Variants in SPNS2 observed in about 807,000 individuals in gnomAD.
SPNS2 encodes the protein sphingosine-1-phosphate transporter SPNS2.
A neutral mutation model predicts 57.6 loss-of-function variants in SPNS2; 37 were observed. That is an observed-to-expected ratio of 0.64 (90% CI 0.49 to 0.85). The LOEUF is 0.85. Among genes scored for constraint, SPNS2 ranks in the 40% least tolerant of loss-of-function variants. SPNS2 has a pLI of 0.00. For missense variants in SPNS2, 831 were observed against 779.1 expected (o/e 1.07, Z -0.79); for synonymous variants, 440 against 346.9 (o/e 1.27, Z -2.98).
chr17:4,506,855 A>G (rs1904692867), intron 1 of SPNS2, among the ~76,000 whole-genome samples: 1 of 152,146 alleles, frequency 6.6e-6, no homozygotes, highest in Non-Finnish European at 1.5e-5. Context: ...GAACAAACCC[A>G]GTTGAGATTC....
At chr17:4,532,089 T>TTCCA (rs1172641817) in intron 5 of SPNS2, among the ~76,000 whole-genome samples, 1 of 152,114 alleles carries the variant, frequency 6.6e-6, no homozygotes, top group African/African-American at 2.4e-5. Context: ...TCTACTTATT[T>TTCCA]TCCATCCGTC....
At chr17:4,533,729 G>C in intron 8 of SPNS2, 59 bp from the exon 9 acceptor site, 1 of 1,586,096 alleles carries the variant, frequency 6.3e-7, no homozygotes, top group South Asian at 1.1e-5. Context: ...AGGGAACAGA[G>C]ACTGTGGTTG....
chr17:4,535,163 C>T (rs1027237669), intron 9 of SPNS2, among the ~76,000 whole-genome samples: 46 of 152,228 alleles, frequency 3.0e-4, no homozygotes, highest in Non-Finnish European at 4.4e-4. Context: ...GTGCCTGTCC[C>T]GCCCCCACCC....
chr17:4,499,478 C>A lies in SPNS2; in HGVS notation c.370+61C>A. On this transcript the variant is annotated intron_variant, in intron 1 of 12. Coordinates refer to ENST00000329078, the MANE Select transcript of SPNS2 (RefSeq NM_001124758.3). The surrounding 1 kb of genome is among the most constrained non-coding windows in gnomAD (Gnocchi z 5.2). ...CCCCACCCCATCCCACCACCCGCCT[C>A]GAGGGAGGTACCCCAGAGAGCTTTT... 9.0e-7 allele frequency: 1 copy of A among 1,111,434 alleles called. No individual in the cohort carries two copies. Among genetic ancestry groups the A allele is most frequent in the East Asian group, 3.2e-5 (1 of 30,912 alleles). The allele number at this position is 1,111,434 out of a possible 1,614,324, so 68.8% of individuals were successfully genotyped here.
chr17:4,532,799 C>G, intron 6 of SPNS2, 115 bp downstream of exon 6: 4 of 1,457,576 alleles, frequency 2.7e-6, no homozygotes, highest in Middle Eastern at 2.4e-4. Flanking sequence ...CCTCTGCTGT[C>G]TCAGTGCTGG....
intron 2 of SPNS2, among the ~76,000 whole-genome samples, chr17:4,520,955 C>T (rs59624890): frequency 0.022 from 3,414 of 152,286 alleles, 100 homozygotes; most frequent in African/African-American, 0.072. Flanking sequence ...CATCATGCCT[C>T]GTGAACCATT....
rs202095554 is a variant in SPNS2 at position 4,536,435 on chromosome 17, G to T, written c.1607+9G>T. On this transcript the variant is annotated intron_variant, in intron 11 of 12. Coordinates refer to ENST00000329078, the MANE Select transcript of SPNS2 (RefSeq NM_001124758.3). ...GCCAGGGCTGAGCAGCAGTGAGTGG[G>T]GGGGAGGGGAGGCCCTGCTGCACCG... The T allele has an allele frequency of 1.3e-6, 2 of 1,591,950 alleles. No individual in the cohort carries two copies. The highest frequency in any genetic ancestry group is 1.3e-5 in the African/African-American group (1 of 74,364).
rs965297136 is a variant in SPNS2, at chr17:4,528,868, GGCTCAACTGATCCT to G, written c.574-1763_574-1750del. 5.3e-5 allele frequency among the ~76,000 whole-genome samples: 8 copies of G among 152,088 alleles called. 1 individual carries two copies. Among genetic ancestry groups the G allele is most frequent in the African/African-American group, 1.9e-4 (8 of 41,398 alleles). On this transcript the variant is annotated intron_variant, in intron 3 of 12. Coordinates refer to ENST00000329078, the MANE Select transcript of SPNS2 (RefSeq NM_001124758.3). Reference sequence around the variant, plus strand: ...AGCTCACTGCAGGCTTGACTTCCTGGGCTCAACTGATCCTCCTGTCTCAGTCTCCTAAGTAGCTA... The same window carrying G: ...AGCTCACTGCAGGCTTGACTTCCTGGCCTGTCTCAGTCTCCTAAGTAGCTA...
chr17:4,535,044 G>T (rs767631766), intron 9 of SPNS2, among the ~76,000 whole-genome samples: 4 of 152,298 alleles, frequency 2.6e-5, no homozygotes, highest in African/African-American at 7.2e-5. Context: ...GGGGTGCCCC[G>T]TGGGTGCTGG....
chr17:4,538,842 C>A lies in SPNS2; in HGVS notation c.*1394C>A, dbSNP rs998769547. On this transcript the variant is annotated 3_prime_UTR_variant, in exon 13 of 13. Coordinates refer to ENST00000329078, the MANE Select transcript of SPNS2 (RefSeq NM_001124758.3). ...TCCTCCAAAGACCAGCCTCCACCCCCACTCCAGCCTCAGCGGGGCCCCAGC... is the reference window on the plus strand; with the variant it reads ...TCCTCCAAAGACCAGCCTCCACCCCAACTCCAGCCTCAGCGGGGCCCCAGC... The A allele has an allele frequency of 4.5e-5, 35 of 778,590 alleles. No homozygotes were observed. Among genetic ancestry groups the A allele is most frequent in the South Asian group, 4.2e-4 (31 of 74,404 alleles). The allele number at this position is 778,590 out of a possible 1,614,324, so 48.2% of individuals were successfully genotyped here.
At chr17:4,527,514 G>T (rs1374941280) in intron 3 of SPNS2, among the ~76,000 whole-genome samples, 1 of 152,212 alleles carries the variant, frequency 6.6e-6, no homozygotes, top group Admixed American at 6.5e-5. Flanking sequence ...CAAAAAGCAA[G>T]CTCTTAAAAT....
chr17:4,532,674 C>G lies in SPNS2; in HGVS notation c.925C>G (p.Leu309Val), dbSNP rs754362231. ...RTSWLRDMKA[L>V]IRNRSYVFSS... The stretch of plus-strand genomic sequence containing the variant: ...CTCATGGCTCCGAGATATGAAGGCC[C>G]TGATTCGAAAGTGAGTACCGCGGGA... Residue 309 changes from leucine to valine, a missense_variant, in exon 6 of 13, where the codon CTG becomes GTG. By Grantham distance (32) the Leu-to-Val change is conservative. Around this residue, in one of 2 missense-constraint regions of SPNS2, gnomAD observed 526 missense variants for 400.9 expected, o/e 1.31. Transcript: ENST00000329078. 6.2e-7 allele frequency: 1 copy of G among 1,613,840 alleles called. No homozygotes were observed. Among genetic ancestry groups the G allele is most frequent in the Non-Finnish European group, 8.5e-7 (1 of 1,179,922 alleles).
chr17:4,506,942 G>A (rs1904695052), intron 1 of SPNS2, among the ~76,000 whole-genome samples: 1 of 152,200 alleles, frequency 6.6e-6, no homozygotes, highest in Admixed American at 6.5e-5. Flanking sequence ...AGCTGCTCCT[G>A]AAGATCACAG....
In SPNS2 at chr17:4,499,019, C is replaced by G. The variant is rs1904359990; in HGVS notation, c.-29C>G. 1 of 994,856 alleles carries G rather than the reference C, an allele frequency of 1.0e-6. No homozygotes were observed. Among genetic ancestry groups the G allele is most frequent in the Non-Finnish European group, 1.2e-6 (1 of 837,224 alleles). The allele number at this position is 994,856 out of a possible 1,614,324, so 61.6% of individuals were successfully genotyped here. ...CCCAGCCTGGGCCCCGCGCCCCCCGCGCCCCCCGCCGCCCCGATCCGGGCC... is the reference window on the plus strand; with the variant it reads ...CCCAGCCTGGGCCCCGCGCCCCCCGGGCCCCCCGCCGCCCCGATCCGGGCC... On this transcript the variant is annotated 5_prime_UTR_variant, in exon 1 of 13. Transcript: ENST00000329078. This position sits in a 1 kb window ranked among gnomAD's most constrained non-coding sequence, Gnocchi z 5.2.
intron 1 of SPNS2, among the ~76,000 whole-genome samples, chr17:4,507,978 C>T (rs1007165978): frequency 6.6e-6 from 1 of 152,196 alleles, no homozygotes; most frequent in African/African-American, 2.4e-5. Context: ...GCCAGAAGTC[C>T]TGGAATCGGG....
At chr17:4,530,876 G>T in intron 4 of SPNS2, 93 bp downstream of exon 4, 1 of 1,523,626 alleles carries the variant, frequency 6.6e-7, no homozygotes, top group Non-Finnish European at 8.9e-7. Flanking sequence ...TCTAGCCCAG[G>T]CAGGCGTCCT....
rs780488135 is a variant in SPNS2, at chr17:4,533,285, C to T, written c.1131C>T (p.Gly377=). The T allele has an allele frequency of 1.9e-5, 30 of 1,609,154 alleles. No individual in the cohort carries two copies. Among genetic ancestry groups the T allele is most frequent in the Admixed American group, 3.4e-5 (2 of 59,684 alleles). Residue 377 remains glycine (G), a synonymous_variant, in exon 8 of 13, where the codon GGC becomes GGT. Coordinates refer to ENST00000329078, the MANE Select transcript of SPNS2 (RefSeq NM_001124758.3). The part of the protein sequence containing the change: ...GAITCFTGFL[G]VVTGAGATRW... ...TCACCTGCTTTACGGGATTTCTGGG[C>T]GTGGTCACGGGGGCAGGAGCCACGC... is the stretch of plus-strand genomic sequence containing the variant.
intron 3 of SPNS2, among the ~76,000 whole-genome samples, chr17:4,530,136 T>C (rs989696809): frequency 4.6e-5 from 7 of 151,702 alleles, no homozygotes; most frequent in Admixed American, 1.3e-4. Flanking sequence ...CTGGGTCCCC[T>C]GGGCTTCCCT....
chr17:4,525,624 C>T (rs111712881), intron 3 of SPNS2, among the ~76,000 whole-genome samples: 2 of 152,212 alleles, frequency 1.3e-5, no homozygotes, highest in African/African-American at 4.8e-5. Flanking sequence ...AGATCGACAT[C>T]CCAGAGAAGC....
Sources: allele counts gnomAD v4.1 joint callset (sites outside exome capture counted in the v4.1 genomes callset), GRCh38; gene constraint gnomAD v4.1.1; regional missense constraint gnomAD v4.1.1; non-coding constraint Gnocchi (gnomAD v3.1); transcripts MANE v1.5; gene names NCBI Gene and HGNC (gene_info 2026-07-23, HGNC 2026-07-21).